The following KCNN3 variants were observed in gnomAD, a reference collection of about 807,000 sequenced individuals.
The protein encoded by KCNN3 is small conductance calcium-activated potassium channel protein 3.
KCNN3 carries 16 observed loss-of-function variants against 62.9 expected under a neutral mutation model. The ratio of observed to expected loss-of-function variants is 0.25; its 90% CI spans 0.17 to 0.39. The LOEUF is 0.39. Ranked by LOEUF, KCNN3 falls within the 10% of genes least tolerant of loss-of-function variation. The pLI is 1.00. For synonymous variants in KCNN3, 370 were observed against 389.2 expected, an observed-to-expected ratio of 0.95 and a Z score of 0.58; for missense variants, 599 against 949.4, an observed-to-expected ratio of 0.63 and a Z score of 4.85.
chr1:154,866,535 G>A (rs1407062051), intron 1 of KCNN3, among the ~76,000 whole-genome samples: 4 of 152,192 alleles, frequency 2.6e-5, no homozygotes, highest in Non-Finnish European at 5.9e-5. Flanking sequence ...AGGAGAGAGG[G>A]ATATCTATCT....
At position 154,772,343 on chromosome 1, in the gene KCNN3, G is replaced by C. The variant is rs913636248; in HGVS notation, c.1080C>G (p.Tyr360Ter). 6.2e-7 allele frequency: 1 copy of C among 1,614,206 alleles called. No individual in the cohort carries two copies. Among genetic ancestry groups the C allele is most frequent in the Non-Finnish European group, 8.5e-7 (1 of 1,180,026 alleles). The change falls in exon 3 of 8, where the codon TAC becomes TAG. Residue 360 changes from tyrosine (Y) to a stop codon, truncating the protein, a stop_gained. Transcript: ENST00000271915. LOFTEE classifies it high-confidence loss of function. This position sits in a 1 kb window ranked among gnomAD's most constrained non-coding sequence, Gnocchi z 5.6. The stretch of plus-strand genomic sequence containing the variant: ...CCAGGCTGATGTACAGGATGCGCTC[G>C]TAGGTCATGGCTATCCGCCAGTCAT... Reference protein sequence around the residue: ...GADDWRIAMTYERILYISLEM... With the variant: ...GADDWRIAMT
At chr1:154,793,051 A>G (rs745600877) in intron 2 of KCNN3, among the ~76,000 whole-genome samples, 5 of 152,214 alleles carry the variant, frequency 3.3e-5, no homozygotes, top group Non-Finnish European at 5.9e-5. Flanking sequence ...CATCGCACTC[A>G]GGAATATTCT....
chr1:154,849,335 G>A (rs943255509), intron 1 of KCNN3, among the ~76,000 whole-genome samples: 2 of 152,258 alleles, frequency 1.3e-5, no homozygotes, highest in African/African-American at 4.8e-5. Context: ...GAACAGCCAT[G>A]TGGCCTCGCA....
rs183964655 is a variant in KCNN3 at position 154,856,077 on chromosome 1, T to C, written c.933+12955A>G. Among the ~76,000 whole-genome samples, 349 of 152,342 alleles carry C rather than the reference T, an allele frequency of 2.3e-3. 2 individuals are homozygous for C. The highest frequency in any genetic ancestry group is 0.014 in the Middle Eastern group (4 of 294). On this transcript the variant is annotated intron_variant, in intron 1 of 7. Transcript: ENST00000271915. ...CGGGGAAAAGTACATTTCTTTTCCT[T>C]TCCATAGACTTTTATTCTCCCAGTG... is the stretch of plus-strand genomic sequence containing the variant.
At chr1:154,826,953 G>C (rs762784200) in intron 1 of KCNN3, among the ~76,000 whole-genome samples, 2 of 152,200 alleles carry the variant, frequency 1.3e-5, no homozygotes, top group Non-Finnish European at 2.9e-5. Context: ...CCCACAAAGA[G>C]TATATGTGTA....
chr1:154,793,967 G>A (rs552427749), intron 2 of KCNN3, among the ~76,000 whole-genome samples: 23 of 152,232 alleles, frequency 1.5e-4, no homozygotes, highest in South Asian at 1.5e-3. Flanking sequence ...TCCAGCCCTC[G>A]AATGTGCACA....
chr1:154,787,589 A>T (rs1649337368), intron 2 of KCNN3, among the ~76,000 whole-genome samples: 1 of 152,186 alleles, frequency 6.6e-6, no homozygotes, highest in African/African-American at 2.4e-5. Context: ...ACTATTTGCA[A>T]TTCGGGGTCT....
chr1:154,770,099 A>G (rs4845392), intron 3 of KCNN3, among the ~76,000 whole-genome samples: 123,771 of 152,134 alleles, frequency 0.81, 50,523 homozygotes, highest in East Asian at 0.99. Context: ...TCTGCTTACC[A>G]GAGAAGGCTC....
At chr1:154,779,513 C>T (rs1033771704) in intron 2 of KCNN3, among the ~76,000 whole-genome samples, 1 of 152,200 alleles carries the variant, frequency 6.6e-6, no homozygotes, top group Non-Finnish European at 1.5e-5. Flanking sequence ...TCCCCATGGA[C>T]ACATGATTTG....
At chr1:154,766,416 T>TTATATATATA (rs373253800) in intron 3 of KCNN3, among the ~76,000 whole-genome samples, 1,334 of 71,734 alleles carry the variant, frequency 0.019, 118 homozygotes, top group African/African-American at 0.033. Flanking sequence ...TAGCCAGGCT[T>TTATATATATA]TATATATATA....
intron 2 of KCNN3, among the ~76,000 whole-genome samples, chr1:154,814,278 C>T (rs776947558): frequency 2.6e-5 from 4 of 152,236 alleles, no homozygotes; most frequent in African/African-American, 9.6e-5. Flanking sequence ...TTCATTCATT[C>T]ATTTATTCAG....
chr1:154,708,317 T>G (rs2101754637), intron 7 of KCNN3, 45 bp from the exon 8 acceptor site: 1 of 1,594,346 alleles, frequency 6.3e-7, no homozygotes, highest in East Asian at 2.2e-5. Context: ...TGACAGGTCA[T>G]CACAGAGGAA....
intron 2 of KCNN3, among the ~76,000 whole-genome samples, chr1:154,787,381 C>T (rs1420204205): frequency 6.6e-6 from 1 of 152,224 alleles, no homozygotes; most frequent in Admixed American, 6.5e-5. Context: ...ACCATCACCA[C>T]AGCGACTGCT....
chr1:154,752,295 A>T (rs1448393753), intron 3 of KCNN3, among the ~76,000 whole-genome samples: 1 of 152,210 alleles, frequency 6.6e-6, no homozygotes, highest in African/African-American at 2.4e-5. Context: ...TAAAACGAAG[A>T]TCTACACTGC....
intron 1 of KCNN3, among the ~76,000 whole-genome samples, chr1:154,858,121 C>A (rs1011478993): frequency 2.6e-5 from 4 of 152,138 alleles, no homozygotes; most frequent in Non-Finnish European, 5.9e-5. Flanking sequence ...TGTCTTCTGC[C>A]AAAATGCCCT....
intron 4 of KCNN3, among the ~76,000 whole-genome samples, 155 bp from the exon 5 acceptor site, chr1:154,726,181 C>A (rs1325504631): frequency 2.0e-5 from 3 of 152,188 alleles, no homozygotes; most frequent in Non-Finnish European, 4.4e-5. Flanking sequence ...CCACAAAAAT[C>A]TGTTGAAATC....
chr1:154,816,187 T>G (rs1181041631), intron 2 of KCNN3, among the ~76,000 whole-genome samples: 2 of 152,232 alleles, frequency 1.3e-5, no homozygotes, highest in African/African-American at 4.8e-5. Context: ...CATAGTTTGT[T>G]ACTACCGTTA....
rs1699905668 is a variant in KCNN3 at position 154,703,418 on chromosome 1, T to TA, written c.*4557dup. 1 of 152,180 alleles carries TA rather than the reference T, an allele frequency of 6.6e-6. No homozygotes were observed. The highest frequency in any genetic ancestry group is 2.4e-5 in the African/African-American group (1 of 41,418). The allele number at this position is 152,180 out of a possible 1,614,324, so 9.4% of individuals were successfully genotyped here. ...GAAGTCACCAGATAGCTGTCTAAGG[T>TA]ACTGAAATCAAACCCTGCAGAGTCA... On this transcript the variant is annotated 3_prime_UTR_variant, in exon 8 of 8. Transcript: ENST00000271915.
In KCNN3 at chr1:154,851,435, T is replaced by A. The variant is rs111893233; in HGVS notation, c.933+17597A>T. On this transcript the variant is annotated intron_variant, in intron 1 of 7. Transcript: ENST00000271915. ...CCTGGGGCAGGTGCTACACGCATTA[T>A]ATGGAAATTGATACACCTCAAACTT... 1.3e-3 allele frequency among the ~76,000 whole-genome samples: 199 copies of A among 152,266 alleles called. 1 individual carries two copies. The highest frequency in any genetic ancestry group is 6.8e-3 in the Middle Eastern group (2 of 294).
Sources: allele counts gnomAD v4.1 joint callset (sites outside exome capture counted in the v4.1 genomes callset), GRCh38; gene constraint gnomAD v4.1.1; non-coding constraint Gnocchi (gnomAD v3.1); transcripts MANE v1.5; gene names NCBI Gene and HGNC (gene_info 2026-07-23, HGNC 2026-07-21).